The following GPHN variants were observed in gnomAD, a reference collection of about 807,000 sequenced individuals.
GPHN encodes the protein gephyrin.
Under a neutral mutation model 95.5 loss-of-function variants are expected in GPHN, and 17 were observed. The observed-to-expected ratio is 0.18, with a 90% CI of 0.12 to 0.27. The LOEUF (loss-of-function observed/expected upper bound fraction) is 0.27. Ranked by LOEUF, GPHN falls within the 10% of genes least tolerant of loss-of-function variation. The pLI is 1.00. For missense variants in GPHN, 660 were observed against 978.1 expected, an observed-to-expected ratio of 0.67 and a Z score of 4.34; for synonymous variants, 320 against 322.5, an observed-to-expected ratio of 0.99 and a Z score of 0.08.
the GPHN span, chr14:67,332,902 A>C: frequency 1.2e-6 from 2 of 1,613,982 alleles, no homozygotes; most frequent in East Asian, 4.5e-5. Flanking sequence ...TGCTTAGGTT[A>C]ATTAACAAAC....
intron 12 of GPHN, among the ~76,000 whole-genome samples, chr14:67,095,984 A>C (rs972056533): frequency 3.7e-5 from 5 of 133,472 alleles, no homozygotes; most frequent in African/African-American, 1.7e-4. Context: ...AAAAAAAAAA[A>C]AAGAATTTAG....
intron 5 of GPHN, among the ~76,000 whole-genome samples, chr14:66,886,336 C>T (rs2064186535): frequency 1.3e-5 from 2 of 152,034 alleles, no homozygotes; most frequent in African/African-American, 2.4e-5. Context: ...CAGAGAACAG[C>T]TATAAAAACA....
intron 9 of GPHN, among the ~76,000 whole-genome samples, chr14:66,979,607 A>C (rs1050741888): frequency 1.3e-5 from 2 of 152,228 alleles, no homozygotes; most frequent in South Asian, 4.1e-4. Context: ...TTGGTCTTCT[A>C]TCCAGATCAC....
At chr14:67,316,630 T>C in the GPHN span, among the ~76,000 whole-genome samples, 3 of 152,200 alleles carry the variant, frequency 2.0e-5, no homozygotes, top group African/African-American at 7.2e-5. Context: ...ATAATACATA[T>C]GGGATTGATT....
At chr14:66,986,180 T>C (rs1375505954) in intron 9 of GPHN, among the ~76,000 whole-genome samples, 1 of 132,122 alleles carries the variant, frequency 7.6e-6, no homozygotes, top group South Asian at 2.3e-4. Flanking sequence ...TATAGTTCAT[T>C]TCAGAGAAAA....
intron 22 of GPHN, among the ~76,000 whole-genome samples, chr14:67,180,544 A>G (rs574304442): frequency 1.3e-5 from 2 of 152,250 alleles, no homozygotes; most frequent in Admixed American, 6.5e-5. Flanking sequence ...GAGAAATTCT[A>G]TGGCATTTTG....
the GPHN span, chr14:67,271,221 C>A: frequency 1.3e-5 from 2 of 152,164 alleles, no homozygotes; most frequent in Non-Finnish European, 2.9e-5. Context: ...TCTACAGTTA[C>A]CTTGAAATTA....
At chr14:66,537,285 C>G (rs747232971) in intron 1 of GPHN, among the ~76,000 whole-genome samples, 1 of 151,964 alleles carries the variant, frequency 6.6e-6, no homozygotes. Context: ...CTTACTGTTT[C>G]TTTTCTATTT....
rs563540364 is a variant in GPHN, at chr14:66,965,592, G to A, written c.963+267G>A. ...CTGTAGCTCCTGTTTCTTTGTTGTA[G>A]ATTTGTTATTTTTTAGTATACTTAA... On this transcript the variant is annotated intron_variant, in intron 9 of 22. Coordinates refer to ENST00000478722, the MANE Select transcript of GPHN (RefSeq NM_020806.5). Among the ~76,000 whole-genome samples the A allele has an allele frequency of 2.5e-3, 385 of 152,224 alleles. 3 individuals carry two copies. The highest frequency in any genetic ancestry group is 6.8e-3 in the Middle Eastern group (2 of 294).
At chr14:66,638,900 C>T (rs1287061844) in intron 1 of GPHN, among the ~76,000 whole-genome samples, 2 of 151,982 alleles carry the variant, frequency 1.3e-5, no homozygotes, top group Non-Finnish European at 2.9e-5. Flanking sequence ...CTTCAGACAA[C>T]TATCAATGTG....
intron 2 of GPHN, among the ~76,000 whole-genome samples, chr14:66,764,556 TA>T (rs111368488): frequency 0.028 from 4,187 of 152,210 alleles, 74 homozygotes; most frequent in African/African-American, 0.057. Flanking sequence ...CTGATCTAGG[TA>T]AACTGACTCT....
At chr14:66,543,417 T>C (rs1798486213) in intron 1 of GPHN, among the ~76,000 whole-genome samples, 4 of 152,236 alleles carry the variant, frequency 2.6e-5, no homozygotes, top group Admixed American at 2.6e-4. Context: ...TGGGATGTTA[T>C]ACTTTAAAAA....
chr14:67,339,101 A>G, the GPHN span, among the ~76,000 whole-genome samples: 6 of 151,370 alleles, frequency 4.0e-5, no homozygotes, highest in Non-Finnish European at 7.4e-5. Flanking sequence ...CGTTCAAGCA[A>G]TTCCTTGCCT....
the GPHN span, among the ~76,000 whole-genome samples, chr14:67,194,102 C>A: frequency 2.3e-3 from 351 of 152,060 alleles, no homozygotes; most frequent in Admixed American, 5.0e-3. Flanking sequence ...GTGACTCACA[C>A]CTATAATCCT....
intron 4 of GPHN, among the ~76,000 whole-genome samples, chr14:66,843,900 T>C (rs1481413818): frequency 6.6e-6 from 1 of 152,102 alleles, no homozygotes; most frequent in Non-Finnish European, 1.5e-5. Context: ...CATTTATTTC[T>C]TGTGTATGGG....
chr14:66,557,789 G>T (rs961806536), intron 1 of GPHN, among the ~76,000 whole-genome samples: 16 of 151,994 alleles, frequency 1.1e-4, no homozygotes, highest in Non-Finnish European at 1.8e-4. Context: ...TTTTAAAAGT[G>T]TGTCTGATTT....
At position 66,580,416 on chromosome 14, in the gene GPHN, AGTT is replaced by A. The variant is rs143601825; in HGVS notation, c.64+71829_64+71831del. ...AATAGAAGAGATCAACAAAGCTAAG[AGTT>A]GTTTTTTTAAAAGATAAAATTGACA... On this transcript the variant is annotated intron_variant, in intron 1 of 22. Transcript: ENST00000478722. Among the ~76,000 whole-genome samples, 53 of 151,976 alleles carry A rather than the reference AGTT, an allele frequency of 3.5e-4. No homozygotes were observed. The East Asian group carries it at 9.3e-3, about 27-fold the overall frequency.
the GPHN span, among the ~76,000 whole-genome samples, chr14:67,664,989 C>G: frequency 1.3e-5 from 2 of 152,180 alleles, no homozygotes; most frequent in African/African-American, 4.8e-5. Context: ...GCCTCAGCCT[C>G]CTGAGTGGTG....
chr14:66,609,262 A>G (rs1292700410), intron 1 of GPHN, among the ~76,000 whole-genome samples: 1 of 152,092 alleles, frequency 6.6e-6, no homozygotes, highest in Non-Finnish European at 1.5e-5. Context: ...AGGCTACTGA[A>G]AATTGGTTTC....
Sources: gnomAD v4.1 joint callset for allele counts (sites outside exome capture counted in the v4.1 genomes callset) on GRCh38, gnomAD v4.1.1 for gene constraint, MANE v1.5 for transcripts, NCBI Gene and HGNC (gene_info 2026-07-23, HGNC 2026-07-21) for gene names.